Variants in EML6 observed in about 807,000 individuals in gnomAD.
EML6 encodes echinoderm microtubule-associated protein-like 6.
Under a neutral mutation model 240.1 loss-of-function variants are expected in EML6, and 154 were observed. That is an observed-to-expected ratio of 0.64 (90% CI 0.56 to 0.73). EML6 has a LOEUF of 0.73. Among genes scored for constraint, EML6 ranks in the 30% least tolerant of loss-of-function variants. The pLI, the probability that EML6 is intolerant of heterozygous loss-of-function variation, is 0.00. For synonymous variants in EML6, 1,148 were observed against 899.0 expected (o/e 1.28, Z -4.95); for missense variants, 2,964 against 2,474.6 (o/e 1.20, Z -4.20).
intron 10 of EML6, among the ~76,000 whole-genome samples, chr2:54,851,425 TAATA>T (rs1343706510): frequency 6.6e-6 from 1 of 151,866 alleles, no homozygotes; most frequent in South Asian, 2.1e-4. Context: ...AATAAATAAA[TAATA>T]AATAAATTTA....
At chr2:54,820,018 AT>A (rs1436006326) in intron 4 of EML6, among the ~76,000 whole-genome samples, 14 of 152,318 alleles carry the variant, frequency 9.2e-5, no homozygotes, top group Admixed American at 2.6e-4. Flanking sequence ...GCATTTTATA[AT>A]TCTTTAAATT....
intron 5 of EML6, 44 bp from the exon 6 acceptor site, chr2:54,827,522 C>T (rs944058473): frequency 2.2e-5 from 33 of 1,469,118 alleles, no homozygotes; most frequent in Non-Finnish European, 2.7e-5. Context: ...GCAATACATC[C>T]GAATACTCTA....
At chr2:54,788,512 C>T (rs776238391) in intron 2 of EML6, among the ~76,000 whole-genome samples, 8 of 152,332 alleles carry the variant, frequency 5.3e-5, no homozygotes, top group South Asian at 4.1e-4. Context: ...CTATAAACAT[C>T]TGGGGCCGCC....
chr2:54,967,992 C>T (rs556215555), intron 39 of EML6, 136 bp from the exon 40 acceptor site: 38 of 790,776 alleles, frequency 4.8e-5, no homozygotes, highest in Non-Finnish European at 7.2e-5. Flanking sequence ...GGACCAGTAC[C>T]GTTCCGTGGC....
intron 24 of EML6, among the ~76,000 whole-genome samples, chr2:54,905,838 C>T (rs1573114293): frequency 1.3e-5 from 2 of 152,150 alleles, no homozygotes; most frequent in Admixed American, 6.5e-5. Context: ...CTCAAGATTC[C>T]TCCATGTTGT....
At chr2:54,852,857 C>G (rs1253219312) in intron 10 of EML6, among the ~76,000 whole-genome samples, 1 of 152,162 alleles carries the variant, frequency 6.6e-6, no homozygotes, top group African/African-American at 2.4e-5. Flanking sequence ...TGTGGTTAAA[C>G]ACTTTCCCAA....
intron 22 of EML6, 66 bp downstream of exon 22, chr2:54,899,848 C>T: frequency 6.9e-7 from 1 of 1,449,746 alleles, no homozygotes; most frequent in Non-Finnish European, 9.3e-7. Context: ...CATATTTATT[C>T]ACTCAGTTAA....
At chr2:54,895,496 C>A in intron 21 of EML6, 96 bp downstream of exon 21, 1 of 1,247,540 alleles carries the variant, frequency 8.0e-7, no homozygotes, top group Non-Finnish European at 1.1e-6. Context: ...TAAGGAGGCA[C>A]TCACTCTCAG....
chr2:54,796,571 C>T (rs1669790182), intron 2 of EML6, among the ~76,000 whole-genome samples: 1 of 151,362 alleles, frequency 6.6e-6, no homozygotes, highest in Non-Finnish European at 1.5e-5. Flanking sequence ...ACACTTAAAT[C>T]CTTTCATAAT....
chr2:54,938,430 A>G lies in EML6; in HGVS notation c.4004+9679A>G, dbSNP rs114864366. Among the ~76,000 whole-genome samples the G allele has an allele frequency of 3.0e-3, 460 of 152,324 alleles. 1 individual carries two copies. The highest frequency in any genetic ancestry group is 0.011 in the African/African-American group (442 of 41,564). ...TGTTAGGGCTTCCCAAGTCCCTCTC[A>G]TGCCTCAGTGAGACATACAGCCATG... On this transcript the variant is annotated intron_variant, in intron 28 of 41. Transcript: ENST00000356458.
intron 2 of EML6, among the ~76,000 whole-genome samples, chr2:54,798,871 A>G (rs1396935661): frequency 2.0e-5 from 3 of 152,230 alleles, no homozygotes; most frequent in Non-Finnish European, 2.9e-5. Context: ...AAGAGAATGC[A>G]TTCAGTATTT....
intron 28 of EML6, among the ~76,000 whole-genome samples, chr2:54,948,662 C>G (rs1039097906): frequency 6.6e-6 from 1 of 152,152 alleles, no homozygotes; most frequent in Non-Finnish European, 1.5e-5. Context: ...CACGGTGCCT[C>G]AAGCGTGGGG....
intron 17 of EML6, among the ~76,000 whole-genome samples, chr2:54,883,922 GGAC>G (rs1453634022): frequency 3.5e-4 from 54 of 152,152 alleles, no homozygotes; most frequent in Admixed American, 3.5e-3. Context: ...ACATAGAGTA[GGAC>G]AACAAAAGCT....
rs1683434498 is a variant in EML6, at chr2:54,737,174, C to A, written c.197+11916C>A. Among the ~76,000 whole-genome samples, 6 of 152,170 alleles carry A rather than the reference C, an allele frequency of 3.9e-5. No individual in the cohort carries two copies. In the South Asian group the frequency reaches 1.2e-3, roughly 32 times the overall value. ...CAATGCAGGTATATAAGAGAATGTA[C>A]TTATCTTAGAAGATGTGTGCTGAAA... On this transcript the variant is annotated intron_variant, in intron 2 of 41. Coordinates refer to ENST00000356458, the MANE Select transcript of EML6 (RefSeq NM_001039753.4).
rs1010554094 is a variant in EML6, at chr2:54,724,431, T to C, written c.-513-118T>C. On this transcript the variant is annotated intron_variant, in intron 1 of 41. Coordinates refer to ENST00000356458, the MANE Select transcript of EML6 (RefSeq NM_001039753.4). The surrounding 1 kb of genome is among the most constrained non-coding windows in gnomAD (Gnocchi z 5.2). ...TGGAACTGGAGAGAGAAAGCGGGAG[T>C]AGGGGACAATTTTTAAAAATACCCA... 24 of 151,450 alleles carry C rather than the reference T, an allele frequency of 1.6e-4. No homozygotes were observed. The highest frequency in any genetic ancestry group is 2.9e-4 in the Non-Finnish European group (20 of 67,870). The allele number at this position is 151,450 out of a possible 1,614,324, so 9.4% of individuals were successfully genotyped here.
chr2:54,853,853 G>C lies in EML6; in HGVS notation c.1655G>C (p.Arg552Thr). 1.3e-6 allele frequency: 2 copies of C among 1,547,538 alleles called. No individual in the cohort carries two copies. Among genetic ancestry groups the C allele is most frequent in the East Asian group, 2.4e-5 (1 of 40,878 alleles). Residue 552 changes from arginine to threonine, a missense_variant and splice_region_variant, in exon 11 of 42, where the codon AGA becomes ACA. By Grantham distance (71) the Arg-to-Thr change is moderately conservative (BLOSUM62 -1). Coordinates refer to ENST00000356458, the MANE Select transcript of EML6 (RefSeq NM_001039753.4). ...VKLFKFPCLK[R>T]GAKFRKYVGH... ...TTGTTTAAATTTCCTTGTCTCAAGA[G>C]AGGTAAGGCCAAAAGAGATGTTTCA...
chr2:54,958,913 G>C (rs560070252), intron 33 of EML6, among the ~76,000 whole-genome samples, 191 bp from the exon 34 acceptor site: 1 of 152,126 alleles, frequency 6.6e-6, no homozygotes, highest in Non-Finnish European at 1.5e-5. Context: ...GAATTTCCAA[G>C]CCAGGTGACT....
In EML6 at chr2:54,919,836, G is replaced by A. The variant is rs547898370; in HGVS notation, c.3675+2901G>A. 3.8e-3 allele frequency among the ~76,000 whole-genome samples: 575 copies of A among 152,258 alleles called. 8 individuals carry two copies. Among genetic ancestry groups the A allele is most frequent in the African/African-American group, 0.013 (544 of 41,542 alleles). On this transcript the variant is annotated intron_variant, in intron 26 of 41. Coordinates refer to ENST00000356458, the MANE Select transcript of EML6 (RefSeq NM_001039753.4). The stretch of plus-strand genomic sequence containing the variant: ...TTCCTCAGACCAGAGTTCCAGGGAG[G>A]TATATCTCAGGTGGGAAGGAAGGAA...
intron 32 of EML6, among the ~76,000 whole-genome samples, chr2:54,954,472 C>G (rs1395575912): frequency 6.6e-6 from 1 of 152,200 alleles, no homozygotes; most frequent in Non-Finnish European, 1.5e-5. Context: ...GTCTTAGCCA[C>G]CTTCCTACCC....
Sources: gnomAD v4.1 joint callset for allele counts (sites outside exome capture counted in the v4.1 genomes callset) on GRCh38, gnomAD v4.1.1 for gene constraint, Gnocchi (gnomAD v3.1) non-coding constraint, MANE v1.5 for transcripts, NCBI Gene and HGNC (gene_info 2026-07-23, HGNC 2026-07-21) for gene names.